Variants in PTPRM observed in about 807,000 individuals in gnomAD.
PTPRM encodes receptor-type tyrosine-protein phosphatase mu.
In PTPRM, 47 loss-of-function variants were observed where a neutral mutation model predicts 186.7. The observed-to-expected ratio is 0.25, with a 90% CI of 0.20 to 0.32. PTPRM has a LOEUF of 0.32. Among genes scored for constraint, PTPRM ranks in the 10% least tolerant of loss-of-function variants. PTPRM has a pLI of 1.00. For synonymous variants in PTPRM, 668 were observed against 674.9 expected, an observed-to-expected ratio of 0.99 and a Z score of 0.16; for missense variants, 1,494 against 1,865.0, an observed-to-expected ratio of 0.80 and a Z score of 3.66.
At chr18:8,029,348 C>A (rs1163821989) in intron 7 of PTPRM, among the ~76,000 whole-genome samples, 1 of 150,528 alleles carries the variant, frequency 6.6e-6, no homozygotes, top group Non-Finnish European at 1.5e-5. Context: ...ACCCCTCCCC[C>A]ACACCTGTCC....
chr18:7,926,713 A>AAAAT, intron 5 of PTPRM, 30 bp downstream of exon 5: 1 of 1,557,668 alleles, frequency 6.4e-7, no homozygotes, highest in Non-Finnish European at 8.8e-7. Context: ...TCAGTTGATG[A>AAAAT]GAGTCCAGCG....
chr18:8,142,030 T>C (rs1450758295), intron 13 of PTPRM, among the ~76,000 whole-genome samples: 1 of 152,228 alleles, frequency 6.6e-6, no homozygotes, highest in African/African-American at 2.4e-5. Flanking sequence ...TGGTGATATG[T>C]TCCAATAGAA....
At chr18:8,179,030 A>G (rs12954922) in intron 14 of PTPRM, among the ~76,000 whole-genome samples, 48,070 of 151,974 alleles carry the variant, frequency 0.32, 7,853 homozygotes, top group Non-Finnish European at 0.37. Flanking sequence ...CAGGGACTGC[A>G]TACAGAAGGT....
chr18:8,126,027 A>ATATATATTTTTTTTTTT (rs57751538), intron 13 of PTPRM, among the ~76,000 whole-genome samples: 9 of 69,536 alleles, frequency 1.3e-4, no homozygotes, highest in Admixed American at 2.1e-4. Flanking sequence ...ATATATATAT[A>ATATATATTTTTTTTTTT]TTTTAAATCA....
chr18:8,099,093 C>T (rs1017003703), intron 11 of PTPRM, among the ~76,000 whole-genome samples: 1 of 151,924 alleles, frequency 6.6e-6, no homozygotes, highest in South Asian at 2.1e-4. Context: ...TTTTATCTTC[C>T]CTCTGTCCTG....
intron 2 of PTPRM, 47 bp downstream of exon 2, chr18:7,774,318 CTCAA>C (rs774770507): frequency 1.3e-6 from 2 of 1,593,562 alleles, no homozygotes; most frequent in East Asian, 4.5e-5. Context: ...ACACAAGAGT[CTCAA>C]TCATACTATG....
At chr18:7,626,464 CA>C (rs1210185287) in intron 1 of PTPRM, among the ~76,000 whole-genome samples, 40 of 152,244 alleles carry the variant, frequency 2.6e-4, no homozygotes, top group African/African-American at 9.6e-4. Flanking sequence ...TTAATGACTC[CA>C]ACTGTCAGCC....
At chr18:7,676,360 A>T (rs1251713009) in intron 1 of PTPRM, among the ~76,000 whole-genome samples, 2 of 152,136 alleles carry the variant, frequency 1.3e-5, no homozygotes, top group East Asian at 3.9e-4. Flanking sequence ...TTGTGGGTGT[A>T]ACCTTCTCTT....
chr18:7,622,268 C>G (rs570805171), intron 1 of PTPRM, among the ~76,000 whole-genome samples: 2 of 151,986 alleles, frequency 1.3e-5, no homozygotes, highest in African/African-American at 4.8e-5. Flanking sequence ...TTTAAGAATC[C>G]TAAAATATGT....
chr18:8,330,854 C>T (rs554684505), intron 22 of PTPRM, among the ~76,000 whole-genome samples: 121 of 152,218 alleles, frequency 7.9e-4, no homozygotes, highest in African/African-American at 2.7e-3. Flanking sequence ...CTTTCTCCTG[C>T]GCCTCTTTTT....
At chr18:7,942,443 G>A (rs912931542) in intron 5 of PTPRM, among the ~76,000 whole-genome samples, 1 of 152,102 alleles carries the variant, frequency 6.6e-6, no homozygotes, top group Admixed American at 6.5e-5. Context: ...TAAGCGGGGT[G>A]CACTGAACAA....
chr18:7,643,591 T>G (rs1163785225), intron 1 of PTPRM, among the ~76,000 whole-genome samples: 3 of 152,132 alleles, frequency 2.0e-5, no homozygotes, highest in Non-Finnish European at 4.4e-5. Flanking sequence ...CTGCCCGCTT[T>G]GGCCTCGCAA....
At chr18:7,706,601 C>CAAAAAAAAAAAAAAAAAAAAAA (rs766639399) in intron 1 of PTPRM, among the ~76,000 whole-genome samples, 2 of 16,130 alleles carry the variant, frequency 1.2e-4, no homozygotes, top group Non-Finnish European at 2.5e-4. Flanking sequence ...GACCTTGTCT[C>CAAAAAAAAAAAAAAAAAAAAAA]AAAAAAAAAA....
intron 14 of PTPRM, among the ~76,000 whole-genome samples, chr18:8,200,360 G>A (rs2093837483): frequency 2.0e-5 from 3 of 152,104 alleles, no homozygotes; most frequent in Admixed American, 1.3e-4. Context: ...ACCAGGGTGG[G>A]GGCACGACCC....
At chr18:8,036,538 T>C (rs2086342439) in intron 7 of PTPRM, among the ~76,000 whole-genome samples, 1 of 152,244 alleles carries the variant, frequency 6.6e-6, no homozygotes, top group Non-Finnish European at 1.5e-5. Context: ...TTGATAGTAC[T>C]TTGTTCCCAA....
At chr18:7,571,719 T>C (rs910287960) in intron 1 of PTPRM, among the ~76,000 whole-genome samples, 3 of 152,210 alleles carry the variant, frequency 2.0e-5, no homozygotes, top group African/African-American at 7.2e-5. Context: ...ACAGCTGAAA[T>C]CTGAATAAAG....
At chr18:8,319,882 A>G (rs1306709103) in intron 22 of PTPRM, among the ~76,000 whole-genome samples, 4 of 152,132 alleles carry the variant, frequency 2.6e-5, no homozygotes, top group Admixed American at 2.0e-4. Context: ...GCTAAAGGAA[A>G]CAGAAGAGCT....
chr18:8,282,068 G>A (rs1053619689), intron 19 of PTPRM, among the ~76,000 whole-genome samples: 5 of 151,934 alleles, frequency 3.3e-5, no homozygotes, highest in African/African-American at 9.7e-5. Context: ...AAAATATAAA[G>A]AATTCTAAAA....
chr18:8,181,943 GA>G (rs1267376095), intron 14 of PTPRM, among the ~76,000 whole-genome samples: 1 of 152,172 alleles, frequency 6.6e-6, no homozygotes, highest in Non-Finnish European at 1.5e-5. Flanking sequence ...ATTTTAAGAT[GA>G]AGATGAGTAG....
Sources: gnomAD v4.1 joint callset for allele counts (sites outside exome capture counted in the v4.1 genomes callset) on GRCh38, gnomAD v4.1.1 for gene constraint, MANE v1.5 for transcripts, NCBI Gene and HGNC (gene_info 2026-07-23, HGNC 2026-07-21) for gene names.